The following NECTIN2 variants were observed in gnomAD, a reference collection of about 807,000 sequenced individuals.
NECTIN2 encodes the protein nectin-2.
In NECTIN2, 23 loss-of-function variants were observed where a neutral mutation model predicts 56.9. The ratio of observed to expected loss-of-function variants is 0.40; its 90% CI spans 0.29 to 0.57. The LOEUF (loss-of-function observed/expected upper bound fraction) is 0.57, where lower values mean the gene tolerates loss of function less well. NECTIN2 is among the 20% of genes least tolerant of loss of function. The pLI is 0.38. For missense variants in NECTIN2, 587 were observed against 718.3 expected (o/e 0.82, Z 2.09); for synonymous variants, 302 against 313.8 (o/e 0.96, Z 0.40).
chr19:44,875,542 A>G lies in NECTIN2; in HGVS notation c.1042+1064A>G, dbSNP rs1489597620. Among the ~76,000 whole-genome samples, 2 of 152,196 alleles carry G rather than the reference A, an allele frequency of 1.3e-5. No homozygotes were observed. Among genetic ancestry groups the G allele is most frequent in the Non-Finnish European group, 2.9e-5 (2 of 68,038 alleles). ...CGGCCTCACGAAGTGCTGGGATTATATGCATGAGCCACTGCGCCTGGCCAG... is the reference window on the plus strand; with the variant it reads ...CGGCCTCACGAAGTGCTGGGATTATGTGCATGAGCCACTGCGCCTGGCCAG... On this transcript the variant is annotated intron_variant, in intron 5 of 8. Coordinates refer to ENST00000252483, the MANE Select transcript of NECTIN2 (RefSeq NM_001042724.2). This position sits in a 1 kb window ranked among gnomAD's most constrained non-coding sequence, Gnocchi z 4.2.
chr19:44,858,289 G>T (rs1053394875), intron 1 of NECTIN2, among the ~76,000 whole-genome samples: 2 of 151,836 alleles, frequency 1.3e-5, no homozygotes, highest in Admixed American at 1.3e-4. Context: ...GTGTGGAGAT[G>T]ATGTATTTAT....
At chr19:44,867,308 C>T (rs987517208) in intron 2 of NECTIN2, among the ~76,000 whole-genome samples, 3 of 152,046 alleles carry the variant, frequency 2.0e-5, no homozygotes, top group African/African-American at 7.3e-5. Context: ...AGGCATGAGC[C>T]ACTGAGCCTG....
chr19:44,883,283 G>A (rs1969327874), intron 6 of NECTIN2, among the ~76,000 whole-genome samples: 1 of 151,964 alleles, frequency 6.6e-6, no homozygotes, highest in Admixed American at 6.5e-5. Context: ...TTTTGTTTTT[G>A]TTTTTGTTTA....
chr19:44,878,713 G>A lies in NECTIN2; in HGVS notation c.1043-3498G>A, dbSNP rs139717042. On this transcript the variant is annotated intron_variant, in intron 5 of 8. Coordinates refer to ENST00000252483, the MANE Select transcript of NECTIN2 (RefSeq NM_001042724.2). ...GGTTCCAGACTGGTTGGACTTGTTC[G>A]TCTGGACGACACTGGAGTGGAACAC... 6,873 of 1,505,102 alleles carry A rather than the reference G, an allele frequency of 4.6e-3. 29 individuals are homozygous for A. Among genetic ancestry groups the A allele is most frequent in the Non-Finnish European group, 5.3e-3 (5,958 of 1,131,728 alleles). The allele number at this position is 1,505,102 out of a possible 1,614,324, so 93.2% of individuals were successfully genotyped here.
At chr19:44,878,853 C>T (rs1969275626) in intron 5 of NECTIN2, 4 of 1,307,214 alleles carry the variant, frequency 3.1e-6, no homozygotes, top group Non-Finnish European at 3.9e-6. Context: ...CAGAGAGGAC[C>T]CCCGCCCCCA....
rs961487602 is a variant in NECTIN2, at chr19:44,846,611, C to G, written c.86C>G (p.Thr29Ser). ...CTGCTGCTGCTGCTGCTCCTGGAAA[C>G]CGGTGAGACGAGCGGACGGCCCCCT... ...WPLLLLLLLE[T>S]GAQDVRVQVL... The change falls in exon 1 of 9, where the codon ACC becomes AGC. Residue 29 changes from threonine to serine, a missense_variant and splice_region_variant. By Grantham distance (58) the Thr-to-Ser change is moderately conservative. Transcript: ENST00000252483. The G allele has an allele frequency of 6.6e-7, 1 of 1,525,354 alleles. No homozygotes were observed. Among genetic ancestry groups the G allele is most frequent in the Non-Finnish European group, 8.8e-7 (1 of 1,142,838 alleles). The allele number at this position is 1,525,354 out of a possible 1,614,324, so 94.5% of individuals were successfully genotyped here.
intron 6 of NECTIN2, among the ~76,000 whole-genome samples, chr19:44,883,906 G>A (rs771250329): frequency 5.3e-5 from 8 of 152,014 alleles, no homozygotes; most frequent in Non-Finnish European, 1.2e-4. Context: ...GATAACTTGA[G>A]CTCAGGAGTT....
chr19:44,865,800 T>G lies in NECTIN2; in HGVS notation c.478+140T>G. 1 of 1,026,412 alleles carries G rather than the reference T, an allele frequency of 9.7e-7. No homozygotes were observed. The highest frequency in any genetic ancestry group is 3.1e-4 in the Middle Eastern group (1 of 3,182). The allele number at this position is 1,026,412 out of a possible 1,614,324, so 63.6% of individuals were successfully genotyped here. A position where few individuals can be genotyped will look rare whatever the true frequency, so the allele number is the denominator to read the frequency against. On this transcript the variant is annotated intron_variant, in intron 2 of 8. Coordinates refer to ENST00000252483, the MANE Select transcript of NECTIN2 (RefSeq NM_001042724.2). The surrounding 1 kb of genome is among the most constrained non-coding windows in gnomAD (Gnocchi z 5.2). The stretch of plus-strand genomic sequence containing the variant: ...TTTCCATCCATCAGCAAATGTTCAT[T>G]AAGCACCTACCGCGTGCCAGATGCT...
rs376996543 is a variant in NECTIN2, at chr19:44,886,162, G to C, written c.1290G>C (p.Ser430=). 6 of 1,613,008 alleles carry C rather than the reference G, an allele frequency of 3.7e-6. No homozygotes were observed. In the African/African-American group the frequency reaches 6.7e-5, roughly 18 times the overall value. Reference sequence around the variant, plus strand: ...CCCAGCTCTTCACTCTGGGGGCCTCGGAGCACAGCCCACTCAAGACCCCCT... The same window carrying C: ...CCCAGCTCTTCACTCTGGGGGCCTCCGAGCACAGCCCACTCAAGACCCCCT... The part of the protein sequence containing the change: ...MPSQLFTLGA[S]EHSPLKTPYF... Residue 430 remains serine (S), a synonymous_variant, in exon 8 of 9, where the codon TCG becomes TCC. Coordinates refer to ENST00000252483, the MANE Select transcript of NECTIN2 (RefSeq NM_001042724.2).
At chr19:44,863,846 A>G (rs1568590866) in intron 1 of NECTIN2, among the ~76,000 whole-genome samples, 1 of 151,754 alleles carries the variant, frequency 6.6e-6, no homozygotes, top group African/African-American at 2.4e-5. Context: ...AGTCTCAAAA[A>G]AAAAAAAGAA....
intron 1 of NECTIN2, among the ~76,000 whole-genome samples, chr19:44,858,128 T>C (rs1968989154): frequency 6.6e-6 from 1 of 152,154 alleles, no homozygotes; most frequent in Non-Finnish European, 1.5e-5. Context: ...ACATTTCGCA[T>C]AGCTCAGACT....
At chr19:44,851,163 C>G (rs1380136835) in intron 1 of NECTIN2, among the ~76,000 whole-genome samples, 1 of 149,562 alleles carries the variant, frequency 6.7e-6, no homozygotes, top group African/African-American at 2.5e-5. Flanking sequence ...GGAGTTCAGG[C>G]CCCCATCCCT....
intron 2 of NECTIN2, 38 bp from the exon 3 acceptor site, chr19:44,871,815 G>A (rs371213833): frequency 1.1e-3 from 1,782 of 1,593,740 alleles, no homozygotes; most frequent in Non-Finnish European, 1.4e-3. Flanking sequence ...AATGACTGCC[G>A]GTGAGGAGTG....
chr19:44,885,989 G>A lies in NECTIN2; in HGVS notation c.1249G>A (p.Ala417Thr). ...ACCGACCCCAAAAGCGAAGCTGGAG[G>A]CACAGGAGATGGTGAGCACTTTCCC... ...KPPTPKAKLE[A>T]QEMPSQLFTL... The change falls in exon 7 of 9, where the codon GCA (alanine) becomes ACA (threonine). Residue 417 changes from alanine to threonine, a missense_variant. Coordinates refer to ENST00000252483, the MANE Select transcript of NECTIN2 (RefSeq NM_001042724.2). The A allele has an allele frequency of 6.2e-7, 1 of 1,602,850 alleles. No homozygotes were observed. The highest frequency in any genetic ancestry group is 8.5e-7 in the Non-Finnish European group (1 of 1,169,836).
At chr19:44,882,563 G>A (rs1207557011) in intron 6 of NECTIN2, among the ~76,000 whole-genome samples, 199 bp downstream of exon 6, 1 of 151,698 alleles carries the variant, frequency 6.6e-6, no homozygotes, top group Admixed American at 6.6e-5. Context: ...AAAATTAGCT[G>A]GGGGCCAGGC....
Position 44,874,451 on chromosome 19 carries a change from C to T in NECTIN2, c.1015C>T (p.Arg339Cys), listed in dbSNP as rs771747845. Residue 339 changes from arginine (R) to cysteine (C), a missense_variant, in exon 5 of 9, where the codon CGC becomes TGC. Arg to Cys is a radical substitution (Grantham distance 180, BLOSUM62 -3). Transcript: ENST00000252483. The surrounding 1 kb of genome is among the most constrained non-coding windows in gnomAD (Gnocchi z 6.3). The stretch of plus-strand genomic sequence containing the variant: ...AGTCACCAATGCCGTGGGCATGGGC[C>T]GCGCTGAGCAGGTCATCTTTGTCCG... ...CTVTNAVGMGRAEQVIFVRET... is the reference protein window; with the variant it reads ...CTVTNAVGMGCAEQVIFVRET... The T allele has an allele frequency of 4.3e-6, 7 of 1,613,984 alleles. No individual in the cohort carries two copies. Among genetic ancestry groups the T allele is most frequent in the South Asian group, 1.1e-5 (1 of 91,078 alleles).
chr19:44,865,492 T>G lies in NECTIN2; in HGVS notation c.310T>G (p.Ser104Ala), dbSNP rs1382615952. 3 of 1,607,584 alleles carry G rather than the reference T, an allele frequency of 1.9e-6. No homozygotes were observed. The South Asian group carries it at 3.3e-5, about 18-fold the overall frequency. ...PSPKPGSERL[S>A]FVSAKQSTGQ... ...CCCGAAGCCTGGCAGCGAGCGGCTG[T>G]CCTTCGTCTCTGCCAAGCAGAGCAC... Residue 104 changes from serine to alanine, a missense_variant, in exon 2 of 9, where the codon TCC becomes GCC. Transcript: ENST00000252483. The surrounding 1 kb of genome is among the most constrained non-coding windows in gnomAD (Gnocchi z 5.2).
rs570925070 is a variant in NECTIN2, at chr19:44,849,161, T to C, written c.88+2548T>C. ...ATTTAGGAATGGGGTCAGAGACACG[T>C]GTAGGAATGGAATCAGAGGATAGAA... is the stretch of plus-strand genomic sequence containing the variant. On this transcript the variant is annotated intron_variant, in intron 1 of 8. Coordinates refer to ENST00000252483, the MANE Select transcript of NECTIN2 (RefSeq NM_001042724.2). Among the ~76,000 whole-genome samples the C allele has an allele frequency of 2.0e-5, 3 of 150,892 alleles. No individual in the cohort carries two copies. In the East Asian group the frequency reaches 5.9e-4, roughly 30 times the overall value.
intron 5 of NECTIN2, among the ~76,000 whole-genome samples, chr19:44,877,305 G>A (rs994047328): frequency 3.3e-5 from 5 of 152,104 alleles, no homozygotes; most frequent in African/African-American, 1.2e-4. Context: ...TGGGGGAAGT[G>A]GATGTGGGTA....
Sources: allele counts gnomAD v4.1 joint callset (sites outside exome capture counted in the v4.1 genomes callset), GRCh38; gene constraint gnomAD v4.1.1; non-coding constraint Gnocchi (gnomAD v3.1); transcripts MANE v1.5; gene names NCBI Gene and HGNC (gene_info 2026-07-23, HGNC 2026-07-21).